The following GPR158 variants were observed in gnomAD, a reference collection of about 807,000 sequenced individuals.
The protein encoded by GPR158 is G protein-coupled receptor 158.
Under a neutral mutation model 78.2 loss-of-function variants are expected in GPR158, and 30 were observed. That is an observed-to-expected ratio of 0.38 (90% confidence interval 0.29 to 0.52). GPR158 has a LOEUF of 0.52. GPR158 is among the 20% of genes least tolerant of loss of function. The pLI is 0.83. For missense variants in GPR158, 1,463 were observed against 1,523.5 expected (o/e 0.96, Z 0.66); for synonymous variants, 581 against 591.1 (o/e 0.98, Z 0.25).
At chr10:25,242,358 T>C (rs1055307333) in intron 2 of GPR158, among the ~76,000 whole-genome samples, 5 of 152,266 alleles carry the variant, frequency 3.3e-5, no homozygotes, top group African/African-American at 4.8e-5. Flanking sequence ...TGAATTAGAA[T>C]AATAGACTTT....
chr10:25,590,700 T>C (rs1432440051), intron 8 of GPR158, among the ~76,000 whole-genome samples: 2 of 152,020 alleles, frequency 1.3e-5, no homozygotes, highest in Non-Finnish European at 2.9e-5. Context: ...AACTAAAGAG[T>C]TGTAAACCAG....
intron 6 of GPR158, among the ~76,000 whole-genome samples, chr10:25,563,835 A>T (rs915603448): frequency 2.6e-5 from 4 of 152,242 alleles, no homozygotes; most frequent in East Asian, 3.9e-4. Flanking sequence ...TTGCAAAAAA[A>T]TTTTTAATAA....
At chr10:25,177,167 T>G (rs1039144936) in intron 1 of GPR158, among the ~76,000 whole-genome samples, 1 of 152,236 alleles carries the variant, frequency 6.6e-6, no homozygotes, top group Non-Finnish European at 1.5e-5. Context: ...GAGTCTGTAC[T>G]TCCTGTCTCA....
intron 2 of GPR158, among the ~76,000 whole-genome samples, chr10:25,336,200 AAAG>A (rs1476234131): frequency 1.3e-5 from 2 of 152,220 alleles, no homozygotes; most frequent in Admixed American, 1.3e-4. Context: ...ATATCATAAA[AAAG>A]ACACAAAATA....
chr10:25,343,608 A>T (rs556918200), intron 2 of GPR158, among the ~76,000 whole-genome samples: 1 of 152,148 alleles, frequency 6.6e-6, no homozygotes, highest in South Asian at 2.1e-4. Flanking sequence ...TTTAGGGCAC[A>T]TAAAGATAAT....
At chr10:25,571,944 T>G (rs983394693) in intron 6 of GPR158, among the ~76,000 whole-genome samples, 1 of 152,226 alleles carries the variant, frequency 6.6e-6, no homozygotes, top group African/African-American at 2.4e-5. Context: ...TTACTTCATA[T>G]TATTTTTGGT....
chr10:25,468,721 G>A (rs954635562), intron 5 of GPR158, among the ~76,000 whole-genome samples: 3 of 152,188 alleles, frequency 2.0e-5, no homozygotes, highest in Non-Finnish European at 4.4e-5. Context: ...CAGAAGATAA[G>A]TACTGACTTT....
At chr10:25,470,469 A>G (rs1180174826) in intron 5 of GPR158, among the ~76,000 whole-genome samples, 2 of 152,066 alleles carry the variant, frequency 1.3e-5, no homozygotes, top group Non-Finnish European at 2.9e-5. Flanking sequence ...TCAGCCTCCA[A>G]CACTGTGAGA....
intron 2 of GPR158, among the ~76,000 whole-genome samples, chr10:25,367,465 C>G (rs933455118): frequency 6.6e-6 from 1 of 151,730 alleles, no homozygotes; most frequent in Non-Finnish European, 1.5e-5. Context: ...TTCGTTTTGG[C>G]TCTTCTTGGC....
chr10:25,423,062 G>A (rs1402754298), intron 4 of GPR158, among the ~76,000 whole-genome samples: 9 of 150,194 alleles, frequency 6.0e-5, no homozygotes, highest in East Asian at 3.9e-4. Flanking sequence ...AGTATTCCAC[G>A]GTATGTCTGT....
rs539403518 is a variant in GPR158 at position 25,323,760 on chromosome 10, C to G, written c.1009-72151C>G. On this transcript the variant is annotated intron_variant, in intron 2 of 10. Coordinates refer to ENST00000376351, the MANE Select transcript of GPR158 (RefSeq NM_020752.3). ...CTCAAACTCTTGGCCTCAAGTGATCCTCCTGACCCAGCCTCCAGATGCACT... is the reference window on the plus strand; with the variant it reads ...CTCAAACTCTTGGCCTCAAGTGATCGTCCTGACCCAGCCTCCAGATGCACT... 2.6e-5 allele frequency among the ~76,000 whole-genome samples: 4 copies of G among 151,946 alleles called. 1 individual carries two copies. The South Asian group carries it at 8.3e-4, about 32-fold the overall frequency.
chr10:25,176,053 C>A lies in GPR158; in HGVS notation c.633C>A (p.Pro211=). 6.2e-7 allele frequency: 1 copy of A among 1,607,386 alleles called. No individual in the cohort carries two copies. ...TCCAAGACCTGTCCTCCTCCGCACC[C>A]CACCTGGCCAACGCCACTCTGGAGA... ...ILLQDLSSSA[P]HLANATLETE... The change falls in exon 1 of 11, where the codon CCC becomes CCA. Residue 211 remains proline, a synonymous_variant. Transcript: ENST00000376351. The surrounding 1 kb of genome is among the most constrained non-coding windows in gnomAD (Gnocchi z 6.3).
intron 4 of GPR158, among the ~76,000 whole-genome samples, chr10:25,418,639 A>T (rs1834698972): frequency 6.8e-6 from 1 of 147,202 alleles, no homozygotes; most frequent in Non-Finnish European, 1.5e-5. Context: ...TCGTGATCTC[A>T]AAGAGAGAGT....
At chr10:25,433,564 TGTGTGTGC>T (rs916238430) in intron 4 of GPR158, among the ~76,000 whole-genome samples, 4 of 143,972 alleles carry the variant, frequency 2.8e-5, no homozygotes, top group Non-Finnish European at 6.2e-5. Flanking sequence ...TGTGTGTGTG[TGTGTGTGC>T]GCGCGCGCGT....
At chr10:25,436,065 A>C (rs1276355380) in intron 4 of GPR158, among the ~76,000 whole-genome samples, 1 of 152,164 alleles carries the variant, frequency 6.6e-6, no homozygotes, top group African/African-American at 2.4e-5. Context: ...AGGATGAGGG[A>C]AGGAAAAATC....
intron 4 of GPR158, among the ~76,000 whole-genome samples, chr10:25,443,386 C>T (rs1300166413): frequency 6.6e-6 from 1 of 151,794 alleles, no homozygotes; most frequent in East Asian, 1.9e-4. Flanking sequence ...GAAACCCCAC[C>T]TCTATTAAAA....
At chr10:25,589,406 A>G (rs1485210364) in intron 8 of GPR158, among the ~76,000 whole-genome samples, 1 of 152,194 alleles carries the variant, frequency 6.6e-6, no homozygotes, top group African/African-American at 2.4e-5. Flanking sequence ...TAAGCCACTT[A>G]TGGAAATGTA....
At chr10:25,505,850 C>A (rs959256657) in intron 5 of GPR158, among the ~76,000 whole-genome samples, 4 of 152,174 alleles carry the variant, frequency 2.6e-5, no homozygotes, top group African/African-American at 9.7e-5. Context: ...TCAACTCAGG[C>A]TTTTTGTCAT....
Position 25,395,907 on chromosome 10 carries a change from A to G in GPR158, c.1009-4A>G. The G allele has an allele frequency of 6.8e-7, 1 of 1,477,734 alleles. No homozygotes were observed. The highest frequency in any genetic ancestry group is 1.1e-5 in the South Asian group (1 of 88,264). The allele number at this position is 1,477,734 out of a possible 1,614,324, so 91.5% of individuals were successfully genotyped here. The stretch of plus-strand genomic sequence containing the variant: ...ACTATGTTGCTGTCTTTTCTTCTTC[A>G]TAGTGTATGCCAATTAAAGGCCTAG... On this transcript the variant is annotated splice_polypyrimidine_tract_variant and splice_region_variant and intron_variant, in intron 2 of 10. Transcript: ENST00000376351.
Sources: allele counts gnomAD v4.1 joint callset (sites outside exome capture counted in the v4.1 genomes callset), GRCh38; gene constraint gnomAD v4.1.1; non-coding constraint Gnocchi (gnomAD v3.1); transcripts MANE v1.5; gene names NCBI Gene and HGNC (gene_info 2026-07-23, HGNC 2026-07-21).